The following SCML2 variants were observed in gnomAD, a reference collection of about 807,000 sequenced individuals.
SCML2 encodes the protein Scm polycomb group protein like 2.
SCML2 carries 6 observed loss-of-function variants against 48.4 expected under a neutral mutation model. The observed-to-expected ratio is 0.12, with a 90% confidence interval of 0.07 to 0.24. The LOEUF (loss-of-function observed/expected upper bound fraction) is 0.24. Among genes scored for constraint, SCML2 ranks in the 10% least tolerant of loss-of-function variants. SCML2 has a pLI of 1.00. For missense variants in SCML2, 377 were observed against 528.2 expected, an observed-to-expected ratio of 0.71 and a Z score of 2.81; for synonymous variants, 181 against 189.5, an observed-to-expected ratio of 0.95 and a Z score of 0.37.
At chrX:18,286,766 C>CA (rs758996635) in intron 7 of SCML2, among the ~76,000 whole-genome samples, 1 of 111,023 alleles carries the variant, frequency 9.0e-6, no homozygotes, top group African/African-American at 3.3e-5. Flanking sequence ...AAAACGAGCA[C>CA]AAAAGGCCCT....
At chrX:18,263,935 T>C (rs1322060222) in intron 8 of SCML2, among the ~76,000 whole-genome samples, 4 of 110,905 alleles carry the variant, frequency 3.6e-5, no homozygotes, top group African/African-American at 1.3e-4. Flanking sequence ...ATGTACTTTT[T>C]CATTCTTACA....
At chrX:18,339,655 A>G (rs1033989309) in intron 1 of SCML2, among the ~76,000 whole-genome samples, 17 of 111,875 alleles carry the variant, frequency 1.5e-4, no homozygotes, top group Admixed American at 7.6e-4. Flanking sequence ...TCAAGGCTGC[A>G]GTGAGTTATG....
chrX:18,343,128 C>T (rs1373582594), intron 1 of SCML2, among the ~76,000 whole-genome samples: 1 of 108,009 alleles, frequency 9.3e-6, no homozygotes, highest in African/African-American at 3.3e-5. Context: ...TTTCTTTTCT[C>T]TTTTTTATTT....
rs1926460941 is a variant in SCML2, at chrX:18,246,738, T to C, written c.1661A>G (p.Tyr554Cys). ...AGGATTTCTACAGGCAGGATTCAAA[T>C]AATTTCCTGAATTTAGTGATGAGCT... ...SKSSSLNSGN[Y>C]LNPACRNPMY... Residue 554 changes from tyrosine (Y) to cysteine (C), a missense_variant, in exon 13 of 15, where the codon TAT (tyrosine) becomes TGT (cysteine). Around this residue, in one of 3 missense-constraint regions of SCML2, gnomAD observed 299 missense variants for 425.5 expected, o/e 0.70. Transcript: ENST00000251900. The C allele has an allele frequency of 8.3e-7, 1 of 1,206,422 alleles. No individual in the cohort carries two copies. Among genetic ancestry groups the C allele is most frequent in the Non-Finnish European group, 1.1e-6 (1 of 892,182 alleles).
intron 1 of SCML2, among the ~76,000 whole-genome samples, chrX:18,349,830 T>C (rs1464655012): frequency 8.9e-6 from 1 of 112,235 alleles, no homozygotes; most frequent in Non-Finnish European, 1.9e-5. Context: ...CCCAGTATTA[T>C]TTCTAAGGTT....
chrX:18,286,460 A>G (rs1266207069), intron 7 of SCML2, among the ~76,000 whole-genome samples: 3 of 111,941 alleles, frequency 2.7e-5, no homozygotes, highest in Non-Finnish European at 5.6e-5. Context: ...CTCAGTCTCC[A>G]GCAATTTCAG....
At chrX:18,331,259 CAAAAAAAAAAAAAAAAAAA>C (rs35589774) in intron 2 of SCML2, among the ~76,000 whole-genome samples, 2 of 16,269 alleles carry the variant, frequency 1.2e-4, no homozygotes, top group Non-Finnish European at 1.9e-4. Context: ...GACTCCGTCT[CAAAAAAAAAAAAAAAAAAA>C]AAAAAAAAAA....
intron 11 of SCML2, among the ~76,000 whole-genome samples, chrX:18,254,638 A>G (rs972047295): frequency 1.8e-5 from 2 of 112,073 alleles, no homozygotes; most frequent in South Asian, 3.7e-4. Context: ...AAATCAGGAA[A>G]TTGGGCCTGG....
chrX:18,254,843 GA>G (rs1179442927), intron 11 of SCML2, among the ~76,000 whole-genome samples: 1 of 111,327 alleles, frequency 9.0e-6, no homozygotes, highest in Non-Finnish European at 1.9e-5. Context: ...AGAATCACTT[GA>G]ACCCAGGAGG....
intron 7 of SCML2, among the ~76,000 whole-genome samples, chrX:18,300,768 G>T (rs1928559889): frequency 9.4e-6 from 1 of 106,344 alleles, no homozygotes; most frequent in Non-Finnish European, 1.9e-5. Context: ...TCCAGCCTGG[G>T]CAATGGAGCA....
chrX:18,249,721 G>A (rs1414960829), intron 11 of SCML2, among the ~76,000 whole-genome samples: 1 of 111,249 alleles, frequency 9.0e-6, no homozygotes, highest in Non-Finnish European at 1.9e-5. Context: ...CATATGCACA[G>A]ATGTATACAT....
chrX:18,296,171 G>A (rs1042464050), intron 7 of SCML2, among the ~76,000 whole-genome samples: 5 of 110,471 alleles, frequency 4.5e-5, no homozygotes, highest in African/African-American at 9.9e-5. Context: ...AAAGAAGCTC[G>A]GTGAGATACA....
At chrX:18,254,145 GTATAC>G (rs1286524314) in intron 11 of SCML2, among the ~76,000 whole-genome samples, 3 of 111,863 alleles carry the variant, frequency 2.7e-5, no homozygotes, top group African/African-American at 9.7e-5. Context: ...TTTTCTCTAT[GTATAC>G]TATACTTCAG....
chrX:18,336,495 T>C (rs962881422), intron 1 of SCML2, among the ~76,000 whole-genome samples: 2 of 102,389 alleles, frequency 2.0e-5, no homozygotes, highest in African/African-American at 7.2e-5. Context: ...CCAGCACTTT[T>C]GGAGGCCGAG....
At chrX:18,248,376 A>G (rs1171517550) in intron 11 of SCML2, among the ~76,000 whole-genome samples, 2 of 112,643 alleles carry the variant, frequency 1.8e-5, no homozygotes, top group African/African-American at 3.2e-5. Flanking sequence ...ACCACTCCGT[A>G]AAGCATGATC....
rs1297991227 is a variant in SCML2, at chrX:18,247,765, T to C, written c.1570+4A>G. On this transcript the variant is annotated splice_donor_region_variant and intron_variant, in intron 12 of 14. Coordinates refer to ENST00000251900, the MANE Select transcript of SCML2 (RefSeq NM_006089.3). ...CAGTCCTGGGAGGTGTAAATGCTAT[T>C]TACCTTCAGACGCATACTCCTTTGT... 2 of 1,158,659 alleles carry C rather than the reference T, an allele frequency of 1.7e-6. No individual in the cohort carries two copies. Among genetic ancestry groups the C allele is most frequent in the East Asian group, 6.0e-5 (2 of 33,607 alleles).
chrX:18,341,670 A>G, intron 1 of SCML2, among the ~76,000 whole-genome samples: 1 of 112,056 alleles, frequency 8.9e-6, no homozygotes, highest in African/African-American at 3.2e-5. Context: ...GCAAAAAGGA[A>G]AACACTTGGG....
intron 7 of SCML2, among the ~76,000 whole-genome samples, chrX:18,293,991 T>C (rs878995169): frequency 8.9e-6 from 1 of 111,874 alleles, no homozygotes; most frequent in Non-Finnish European, 1.9e-5. Flanking sequence ...GTAAAGGAAA[T>C]TCTGAAGGAT....
chrX:18,320,293 C>A, intron 6 of SCML2, 39 bp downstream of exon 6: 6 of 858,487 alleles, frequency 7.0e-6, no homozygotes, highest in Non-Finnish European at 9.9e-6. Context: ...CCCACTAAAA[C>A]AATAAAAACA....
Sources: gnomAD v4.1 joint callset for allele counts (sites outside exome capture counted in the v4.1 genomes callset) on GRCh38, gnomAD v4.1.1 for gene constraint, gnomAD v4.1.1 regional missense constraint, MANE v1.5 for transcripts, NCBI Gene and HGNC (gene_info 2026-07-23, HGNC 2026-07-21) for gene names.